The following CCDC85A variants were observed in gnomAD, a reference collection of about 807,000 sequenced individuals.
The protein encoded by CCDC85A is coiled-coil domain containing 85A.
CCDC85A carries 38 observed loss-of-function variants against 50.2 expected under a neutral mutation model. The observed-to-expected ratio is 0.76, with a 90% confidence interval of 0.58 to 0.99. The LOEUF is 0.99. Ranked by LOEUF, CCDC85A falls within the 50% of genes least tolerant of loss-of-function variation. CCDC85A has a pLI of 0.00. For missense variants in CCDC85A, 820 were observed against 742.0 expected (o/e 1.11, Z -1.22); for synonymous variants, 366 against 301.4 (o/e 1.21, Z -2.22).
At chr2:56,357,096 A>T (rs925594389) in intron 3 of CCDC85A, among the ~76,000 whole-genome samples, 2 of 151,332 alleles carry the variant, frequency 1.3e-5, no homozygotes, top group Non-Finnish European at 2.9e-5. Flanking sequence ...AAAAAAAAAG[A>T]TTGAGCCCTA....
chr2:56,358,650 A>T (rs1037354366), intron 3 of CCDC85A, among the ~76,000 whole-genome samples: 1 of 152,240 alleles, frequency 6.6e-6, no homozygotes, highest in Non-Finnish European at 1.5e-5. Context: ...GTGTGGCTGT[A>T]TTAGAATAAA....
intron 2 of CCDC85A, among the ~76,000 whole-genome samples, chr2:56,307,476 G>A (rs546592813): frequency 2.0e-5 from 3 of 152,258 alleles, no homozygotes; most frequent in African/African-American, 4.8e-5. Context: ...GAACTAATAA[G>A]TTTGTGTTGA....
intron 2 of CCDC85A, among the ~76,000 whole-genome samples, chr2:56,283,382 T>A (rs996684730): frequency 5.5e-4 from 83 of 152,206 alleles, no homozygotes; most frequent in Admixed American, 2.0e-4. Context: ...AATATGGCTT[T>A]TCTTCTTTAT....
intron 2 of CCDC85A, among the ~76,000 whole-genome samples, chr2:56,321,358 T>A (rs1166155156): frequency 6.6e-6 from 1 of 152,204 alleles, no homozygotes; most frequent in African/African-American, 2.4e-5. Flanking sequence ...ATTGTCCCTG[T>A]TTGCAGATGA....
intron 4 of CCDC85A, 79 bp downstream of exon 4, chr2:56,372,557 T>C: frequency 7.3e-7 from 1 of 1,365,762 alleles, no homozygotes. Context: ...AAAGTTATAC[T>C]GGGGGGTAGA....
At chr2:56,240,998 G>A (rs1003008367) in intron 2 of CCDC85A, among the ~76,000 whole-genome samples, 3 of 152,112 alleles carry the variant, frequency 2.0e-5, no homozygotes, top group Admixed American at 6.6e-5. Context: ...AATAATATAT[G>A]AGGGTTTCAA....
intron 3 of CCDC85A, among the ~76,000 whole-genome samples, chr2:56,365,805 T>C (rs1385943405): frequency 6.6e-6 from 1 of 152,154 alleles, no homozygotes; most frequent in African/African-American, 2.4e-5. Flanking sequence ...TTTTCAAGAA[T>C]GCAATAAATT....
chr2:56,311,487 C>T (rs1029638317), intron 2 of CCDC85A, among the ~76,000 whole-genome samples: 3 of 149,850 alleles, frequency 2.0e-5, no homozygotes, highest in Admixed American at 6.7e-5. Flanking sequence ...TATTATTATA[C>T]TTTAAGTTTT....
chr2:56,312,335 G>A (rs1672734629), intron 2 of CCDC85A, among the ~76,000 whole-genome samples: 1 of 152,086 alleles, frequency 6.6e-6, no homozygotes, highest in Admixed American at 6.6e-5. Context: ...CCTGGAGACA[G>A]TGCTAAAAAT....
chr2:56,326,133 T>C (rs528725534), intron 2 of CCDC85A, among the ~76,000 whole-genome samples: 1 of 152,272 alleles, frequency 6.6e-6, no homozygotes, highest in East Asian at 1.9e-4. Context: ...CAGTGAGGAC[T>C]ATTTATAATG....
At chr2:56,273,368 C>G (rs1362331210) in intron 2 of CCDC85A, among the ~76,000 whole-genome samples, 1 of 151,608 alleles carries the variant, frequency 6.6e-6, no homozygotes, top group African/African-American at 2.4e-5. Flanking sequence ...AAGCCTAGCT[C>G]AAGGAAAACC....
intron 3 of CCDC85A, among the ~76,000 whole-genome samples, chr2:56,344,545 C>G (rs974557443): frequency 6.6e-6 from 1 of 152,200 alleles, no homozygotes; most frequent in African/African-American, 2.4e-5. Context: ...ACTTCTATCT[C>G]TTCTCAAACT....
At chr2:56,185,514 C>G (rs1675983792) in intron 1 of CCDC85A, among the ~76,000 whole-genome samples, 1 of 152,210 alleles carries the variant, frequency 6.6e-6, no homozygotes, top group South Asian at 2.1e-4. Context: ...GAAGGCATCC[C>G]CTGGAGTTGC....
Position 56,184,918 on chromosome 2 carries a change from G to A in CCDC85A, c.276+18G>A, listed in dbSNP as rs376801761. On this transcript the variant is annotated intron_variant, in intron 1 of 5. Coordinates refer to ENST00000407595, the MANE Select transcript of CCDC85A (RefSeq NM_001080433.2). ...GCCTCAAGGTGAGCGCGGGCCAGGT[G>A]GGGAGGCGCGGCGCGGCTGGGAGCG... 1.4e-6 allele frequency: 2 copies of A among 1,462,686 alleles called. No individual in the cohort carries two copies. The highest frequency in any genetic ancestry group is 9.0e-7 in the Non-Finnish European group (1 of 1,112,202). The allele number at this position is 1,462,686 out of a possible 1,614,324, so 90.6% of individuals were successfully genotyped here.
chr2:56,192,961 C>A lies in CCDC85A; in HGVS notation c.761C>A (p.Ala254Asp). ...GSPEHSKHRS[A>D]SPEHPQKPRA... ...CCGGAGCACTCCAAGCACAGGAGCG[C>A]CAGCCCCGAGCATCCACAGAAACCC... Residue 254 changes from alanine to aspartate, a missense_variant, in exon 2 of 6, where the codon GCC (alanine) becomes GAC (aspartate). By Grantham distance (126) the Ala-to-Asp change is moderately radical (BLOSUM62 -2). Coordinates refer to ENST00000407595, the MANE Select transcript of CCDC85A (RefSeq NM_001080433.2). The surrounding 1 kb of genome is among the most constrained non-coding windows in gnomAD (Gnocchi z 4.7). 8 of 1,612,372 alleles carry A rather than the reference C, an allele frequency of 5.0e-6. No homozygotes were observed. Among genetic ancestry groups the A allele is most frequent in the Non-Finnish European group, 6.8e-6 (8 of 1,179,450 alleles).
chr2:56,281,078 C>T (rs529543186), intron 2 of CCDC85A, among the ~76,000 whole-genome samples: 76 of 152,202 alleles, frequency 5.0e-4, no homozygotes, highest in African/African-American at 1.8e-3. Flanking sequence ...CCAAAAGTTA[C>T]CTTTTACCCT....
At chr2:56,357,324 C>A (rs1009376962) in intron 3 of CCDC85A, among the ~76,000 whole-genome samples, 1 of 152,120 alleles carries the variant, frequency 6.6e-6, no homozygotes, top group Non-Finnish European at 1.5e-5. Flanking sequence ...TAATAAAATT[C>A]ATCAGAATCA....
chr2:56,189,659 T>C (rs1415843268), intron 1 of CCDC85A, among the ~76,000 whole-genome samples: 1 of 152,198 alleles, frequency 6.6e-6, no homozygotes, highest in Non-Finnish European at 1.5e-5. Context: ...TGTGTGATGC[T>C]GAGGTTTTGG....
intron 3 of CCDC85A, among the ~76,000 whole-genome samples, chr2:56,367,040 A>C (rs895217709): frequency 6.6e-6 from 1 of 152,154 alleles, no homozygotes; most frequent in African/African-American, 2.4e-5. Flanking sequence ...CTTCAAGTTA[A>C]GTGCAGAATC....
Sources: gnomAD v4.1 joint callset for allele counts (sites outside exome capture counted in the v4.1 genomes callset) on GRCh38, gnomAD v4.1.1 for gene constraint, Gnocchi (gnomAD v3.1) non-coding constraint, MANE v1.5 for transcripts, NCBI Gene and HGNC (gene_info 2026-07-23, HGNC 2026-07-21) for gene names.